NLGN1: variants seen among roughly 807,000 people sequenced by gnomAD.
The protein encoded by NLGN1 is neuroligin-1.
In NLGN1, 12 loss-of-function variants were observed where a neutral mutation model predicts 65.5. That is an observed-to-expected ratio of 0.18 (90% confidence interval 0.12 to 0.30). NLGN1 has a LOEUF of 0.30. NLGN1 is among the 10% of genes least tolerant of loss of function. The probability of loss-of-function intolerance (pLI) is 1.00; values close to 1 mark genes in which losing one functional copy is unlikely to be tolerated. For missense variants in NLGN1, 750 were observed against 1,007.1 expected (o/e 0.74, Z 3.46); for synonymous variants, 350 against 359.5 (o/e 0.97, Z 0.30).
intron 4 of NLGN1, among the ~76,000 whole-genome samples, chr3:173,843,456 G>C (rs1452424687): frequency 6.6e-6 from 1 of 152,134 alleles, no homozygotes; most frequent in African/African-American, 2.4e-5. Context: ...TCTATGCTCT[G>C]CTTCCCTTAA....
chr3:174,210,859 A>G (rs1236414657), intron 4 of NLGN1, among the ~76,000 whole-genome samples: 1 of 152,194 alleles, frequency 6.6e-6, no homozygotes, highest in Non-Finnish European at 1.5e-5. Flanking sequence ...CTAGGTTTAG[A>G]TACACAAATA....
intron 4 of NLGN1, among the ~76,000 whole-genome samples, chr3:174,195,112 C>T (rs145469967): frequency 0.014 from 2,092 of 152,182 alleles, 54 homozygotes; most frequent in African/African-American, 0.047. Flanking sequence ...CCCCCTGCCT[C>T]GGCCTCCCAA....
At chr3:173,993,072 T>C (rs1163120873) in intron 4 of NLGN1, among the ~76,000 whole-genome samples, 2 of 152,226 alleles carry the variant, frequency 1.3e-5, no homozygotes, top group South Asian at 2.1e-4. Flanking sequence ...CTTGTTAAAA[T>C]ATGTAAATAA....
At chr3:174,070,621 C>T (rs1050925341) in intron 4 of NLGN1, among the ~76,000 whole-genome samples, 4 of 152,074 alleles carry the variant, frequency 2.6e-5, no homozygotes, top group African/African-American at 4.8e-5. Context: ...TGAGCCACCG[C>T]GCCCGGCCTT....
chr3:173,667,416 C>T (rs868765449), intron 3 of NLGN1, among the ~76,000 whole-genome samples: 17 of 152,118 alleles, frequency 1.1e-4, no homozygotes, highest in Middle Eastern at 3.4e-3. Flanking sequence ...GAAAATAAGA[C>T]AGAGATTTAC....
chr3:174,034,075 C>A (rs1195358210), intron 4 of NLGN1, among the ~76,000 whole-genome samples: 1 of 152,010 alleles, frequency 6.6e-6, no homozygotes, highest in Non-Finnish European at 1.5e-5. Context: ...CAGAGAGAAA[C>A]ACTTTATGTA....
chr3:174,080,333 G>A (rs1288110714), intron 4 of NLGN1, among the ~76,000 whole-genome samples: 2 of 152,184 alleles, frequency 1.3e-5, no homozygotes, highest in Non-Finnish European at 2.9e-5. Context: ...TAGGGCAGAA[G>A]GAGAGACTGA....
chr3:173,913,603 A>G (rs1353289493), intron 4 of NLGN1, among the ~76,000 whole-genome samples: 1 of 152,096 alleles, frequency 6.6e-6, no homozygotes, highest in Non-Finnish European at 1.5e-5. Context: ...TTCCTCTCTC[A>G]ACATCCCAGC....
At chr3:173,975,966 A>T (rs1717345764) in intron 4 of NLGN1, among the ~76,000 whole-genome samples, 1 of 152,068 alleles carries the variant, frequency 6.6e-6, no homozygotes, top group South Asian at 2.1e-4. Context: ...TAGCATTGGT[A>T]GATCTGCAAT....
chr3:174,204,509 G>T (rs1260695349), intron 4 of NLGN1, among the ~76,000 whole-genome samples: 1 of 152,184 alleles, frequency 6.6e-6, no homozygotes, highest in Non-Finnish European at 1.5e-5. Context: ...TCTCAGTAGA[G>T]TGTGTCAGAT....
chr3:173,697,098 G>A (rs924958765), intron 3 of NLGN1, among the ~76,000 whole-genome samples: 1 of 152,124 alleles, frequency 6.6e-6, no homozygotes, highest in Non-Finnish European at 1.5e-5. Context: ...TGCCACATTA[G>A]CTTTGATCCT....
intron 4 of NLGN1, among the ~76,000 whole-genome samples, chr3:173,983,067 T>G (rs2152396541): frequency 6.6e-6 from 1 of 152,288 alleles, no homozygotes; most frequent in South Asian, 2.1e-4. Flanking sequence ...ATAGAATAAT[T>G]AAGTTTAAAA....
chr3:173,767,589 C>G (rs569560481), intron 3 of NLGN1, among the ~76,000 whole-genome samples: 7 of 151,880 alleles, frequency 4.6e-5, no homozygotes, highest in Non-Finnish European at 7.4e-5. Flanking sequence ...GACCTTTTCA[C>G]GACAAATGTA....
intron 3 of NLGN1, among the ~76,000 whole-genome samples, 179 bp from the exon 4 acceptor site, chr3:173,807,501 A>G (rs1023100499): frequency 1.3e-5 from 2 of 152,148 alleles, no homozygotes; most frequent in African/African-American, 2.4e-5. Flanking sequence ...ATGGATGCCT[A>G]TTGCTATTTC....
At chr3:174,181,397 G>A (rs1730390434) in intron 4 of NLGN1, among the ~76,000 whole-genome samples, 1 of 152,096 alleles carries the variant, frequency 6.6e-6, no homozygotes. Flanking sequence ...ACCATCTCAA[G>A]TTTAAATTAA....
chr3:173,586,918 T>G (rs1173360894), intron 2 of NLGN1, among the ~76,000 whole-genome samples: 2 of 152,180 alleles, frequency 1.3e-5, no homozygotes, highest in African/African-American at 4.8e-5. Context: ...TTTTCAAAGT[T>G]TAAACGGATT....
intron 4 of NLGN1, among the ~76,000 whole-genome samples, chr3:173,816,531 C>G (rs944850688): frequency 1.3e-5 from 2 of 152,164 alleles, no homozygotes; most frequent in Non-Finnish European, 2.9e-5. Flanking sequence ...TTTAAATCAG[C>G]GAAATTATCT....
At chr3:173,821,127 C>T (rs371039093) in intron 4 of NLGN1, among the ~76,000 whole-genome samples, 1 of 152,046 alleles carries the variant, frequency 6.6e-6, no homozygotes, top group South Asian at 2.1e-4. Context: ...TGACATTTCT[C>T]GACTGATTTA....
intron 3 of NLGN1, among the ~76,000 whole-genome samples, chr3:173,652,464 C>T (rs1006641573): frequency 6.6e-6 from 1 of 152,030 alleles, no homozygotes; most frequent in African/African-American, 2.4e-5. Flanking sequence ...GAGAGGGGTC[C>T]AGTTTCATTA....
Sources: gnomAD v4.1 joint callset for allele counts (sites outside exome capture counted in the v4.1 genomes callset) on GRCh38, gnomAD v4.1.1 for gene constraint, MANE v1.5 for transcripts, NCBI Gene and HGNC (gene_info 2026-07-23, HGNC 2026-07-21) for gene names.